CCDC148: variants seen among roughly 807,000 people sequenced by gnomAD.
CCDC148 encodes the protein coiled-coil domain containing 148, also known as coiled-coil domain-containing protein 148.
A neutral mutation model predicts 85.7 loss-of-function variants in CCDC148; 89 were observed. The ratio of observed to expected loss-of-function variants is 1.04; its 90% CI spans 0.87 to 1.24. The LOEUF is 1.24. Among genes scored for constraint, CCDC148 ranks in the 50% most tolerant of loss-of-function variants. The pLI is 0.00. For synonymous variants in CCDC148, 230 were observed against 213.9 expected, an observed-to-expected ratio of 1.08 and a Z score of -0.66; for missense variants, 692 against 671.7, an observed-to-expected ratio of 1.03 and a Z score of -0.33.
At chr2:158,412,618 G>A (rs1406996107) in intron 1 of CCDC148, among the ~76,000 whole-genome samples, 1 of 152,018 alleles carries the variant, frequency 6.6e-6, no homozygotes, top group Non-Finnish European at 1.5e-5. Context: ...AATTGCCAAA[G>A]TTATAAATAA....
At chr2:158,367,036 C>CT (rs1484242096) in intron 1 of CCDC148, among the ~76,000 whole-genome samples, 1 of 152,106 alleles carries the variant, frequency 6.6e-6, no homozygotes, top group Non-Finnish European at 1.5e-5. Flanking sequence ...CTACCATAGC[C>CT]TTCCCAGTTA....
At chr2:158,410,235 ATG>A (rs1574772000) in intron 1 of CCDC148, among the ~76,000 whole-genome samples, 1 of 152,148 alleles carries the variant, frequency 6.6e-6, no homozygotes, top group East Asian at 1.9e-4. Flanking sequence ...TTTTCAACCA[ATG>A]TGTGTGCTTA....
chr2:158,409,007 T>A (rs148708724), intron 1 of CCDC148, among the ~76,000 whole-genome samples: 1 of 152,258 alleles, frequency 6.6e-6, no homozygotes, highest in African/African-American at 2.4e-5. Context: ...TTTCGCCCAT[T>A]TTTTCATAGG....
chr2:158,369,155 C>T (rs534542584), intron 1 of CCDC148, among the ~76,000 whole-genome samples: 2 of 152,004 alleles, frequency 1.3e-5, no homozygotes, highest in Non-Finnish European at 2.9e-5. Flanking sequence ...ACTATACGGG[C>T]TCTTTTTTTG....
chr2:158,340,680 T>A lies in CCDC148; in HGVS notation c.252A>T (p.Arg84Ser). Residue 84 changes from arginine (R) to serine (S), a missense_variant and splice_region_variant, in exon 4 of 14, where the codon AGA becomes AGT. Coordinates refer to ENST00000283233, the MANE Select transcript of CCDC148 (RefSeq NM_138803.4). ...ATTTTATTTCAGATTCCATTTTACA[T>A]CTGAAATAGATGTGATCTCAATAAA... The part of the protein sequence containing the change: ...WQEYQRLNEV[R>S]CKMESEIKSL... 6.6e-7 allele frequency: 1 copy of A among 1,517,616 alleles called. No individual in the cohort carries two copies. Among genetic ancestry groups the A allele is most frequent in the Non-Finnish European group, 9.0e-7 (1 of 1,105,004 alleles). 94.0% of individuals were successfully genotyped at this position (1,517,616 alleles called of 1,614,324 possible).
At chr2:158,325,666 G>A (rs1038811650) in intron 7 of CCDC148, among the ~76,000 whole-genome samples, 2 of 152,136 alleles carry the variant, frequency 1.3e-5, no homozygotes, top group South Asian at 2.1e-4. Flanking sequence ...CAACCTCATC[G>A]TGTCCAAACC....
intron 1 of CCDC148, among the ~76,000 whole-genome samples, chr2:158,431,633 C>T (rs1574809839): frequency 1.3e-5 from 2 of 152,060 alleles, no homozygotes; most frequent in East Asian, 1.9e-4. Context: ...GAAAGACCTG[C>T]ACCCTAAGAA....
chr2:158,183,127 T>G (rs764016194), intron 11 of CCDC148, among the ~76,000 whole-genome samples: 2 of 152,158 alleles, frequency 1.3e-5, no homozygotes, highest in Non-Finnish European at 2.9e-5. Flanking sequence ...AGAGGCATTT[T>G]CGACTTCTCT....
intron 11 of CCDC148, among the ~76,000 whole-genome samples, 170 bp from the exon 12 acceptor site, chr2:158,179,166 A>ATTTTTT (rs10699879): frequency 0.011 from 929 of 82,728 alleles, 98 homozygotes; most frequent in African/African-American, 0.036. Context: ...ATAAAATGCA[A>ATTTTTT]TTTTTTTTTT....
At chr2:158,417,102 A>G (rs1686535404) in intron 1 of CCDC148, among the ~76,000 whole-genome samples, 1 of 152,128 alleles carries the variant, frequency 6.6e-6, no homozygotes, top group South Asian at 2.1e-4. Flanking sequence ...GGGGAATTCC[A>G]CCCTCATGAC....
intron 11 of CCDC148, among the ~76,000 whole-genome samples, chr2:158,179,726 T>C (rs1243361627): frequency 6.6e-6 from 1 of 152,180 alleles, no homozygotes; most frequent in Non-Finnish European, 1.5e-5. Context: ...TATAATAATA[T>C]GTCTAAATTA....
chr2:158,406,372 C>G (rs1408352262), intron 1 of CCDC148, among the ~76,000 whole-genome samples: 3 of 151,972 alleles, frequency 2.0e-5, no homozygotes, highest in Non-Finnish European at 4.4e-5. Context: ...ACATGGTGCT[C>G]GCTAGGCCAC....
intron 10 of CCDC148, among the ~76,000 whole-genome samples, chr2:158,240,450 TCTCACACA>T (rs1420209565): frequency 0.058 from 5,358 of 92,438 alleles, 130 homozygotes; most frequent in East Asian, 0.19. Context: ...TCTCTCTCTC[TCTCACACA>T]CACACACACA....
chr2:158,247,579 G>A (rs1215255023), intron 10 of CCDC148, among the ~76,000 whole-genome samples: 4 of 152,054 alleles, frequency 2.6e-5, no homozygotes, highest in African/African-American at 9.7e-5. Context: ...TTAAAAGGCC[G>A]GGCATGGTAG....
chr2:158,379,339 T>G (rs1684779656), intron 1 of CCDC148, among the ~76,000 whole-genome samples: 1 of 151,656 alleles, frequency 6.6e-6, no homozygotes, highest in Non-Finnish European at 1.5e-5. Context: ...AGATGAGGAG[T>G]TGCTTCTTGT....
intron 11 of CCDC148, 59 bp downstream of exon 11, chr2:158,220,536 C>T (rs562678397): frequency 3.4e-5 from 39 of 1,154,052 alleles, no homozygotes; most frequent in Non-Finnish European, 4.7e-5. Context: ...TATTCTAACA[C>T]TTTACAAAAG....
intron 10 of CCDC148, among the ~76,000 whole-genome samples, chr2:158,249,105 G>T (rs1219371287): frequency 6.6e-6 from 1 of 152,024 alleles, no homozygotes; most frequent in East Asian, 1.9e-4. Flanking sequence ...ACAATTAATT[G>T]TACCGACTCC....
intron 11 of CCDC148, among the ~76,000 whole-genome samples, chr2:158,181,412 T>C (rs983985084): frequency 2.6e-5 from 4 of 152,122 alleles, no homozygotes; most frequent in Non-Finnish European, 5.9e-5. Flanking sequence ...GCACTGGTGA[T>C]ACAACGTCAA....
intron 1 of CCDC148, among the ~76,000 whole-genome samples, chr2:158,433,166 A>C (rs1000790149): frequency 2.8e-5 from 4 of 143,236 alleles, no homozygotes; most frequent in Non-Finnish European, 6.1e-5. Flanking sequence ...AGGTAGAGGC[A>C]GGAGGATTGT....
Sources: allele counts gnomAD v4.1 joint callset (sites outside exome capture counted in the v4.1 genomes callset), GRCh38; gene constraint gnomAD v4.1.1; transcripts MANE v1.5; gene names NCBI Gene and HGNC (gene_info 2026-07-23, HGNC 2026-07-21).